The following GARNL3 variants were observed in gnomAD, a reference collection of about 807,000 sequenced individuals.
GARNL3 encodes GTPase-activating Rap/Ran-GAP domain-like protein 3.
A neutral mutation model predicts 125.0 loss-of-function variants in GARNL3; 63 were observed. That is an observed-to-expected ratio of 0.50 (90% CI 0.41 to 0.62). The LOEUF is 0.62. Among genes scored for constraint, GARNL3 ranks in the 20% least tolerant of loss-of-function variants. The pLI is 0.00. For synonymous variants in GARNL3, 439 were observed against 457.5 expected (o/e 0.96, Z 0.52); for missense variants, 994 against 1,244.0 (o/e 0.80, Z 3.02).
chr9:127,230,999 TAC>T (rs1328526632), intron 1 of GARNL3, among the ~76,000 whole-genome samples: 67 of 140,490 alleles, frequency 4.8e-4, no homozygotes, highest in Non-Finnish European at 9.6e-4. Flanking sequence ...TATGTATATA[TAC>T]ACATATGTGT....
At chr9:127,354,008 A>G (rs1002978094) in intron 18 of GARNL3, 64 bp downstream of exon 18, 17 of 1,076,424 alleles carry the variant, frequency 1.6e-5, no homozygotes, top group Middle Eastern at 2.1e-4. Flanking sequence ...TGCGGCCCAC[A>G]CCACAGGTCG....
At chr9:127,370,355 A>G (rs982170212) in intron 22 of GARNL3, among the ~76,000 whole-genome samples, 1 of 152,174 alleles carries the variant, frequency 6.6e-6, no homozygotes, top group African/African-American at 2.4e-5. Context: ...GAACTGTTAA[A>G]CTGTACAGGA....
chr9:127,268,967 C>T (rs1053705709), intron 1 of GARNL3, among the ~76,000 whole-genome samples: 2 of 152,080 alleles, frequency 1.3e-5, no homozygotes, highest in Middle Eastern at 3.2e-3. Context: ...TGTATTGATA[C>T]ACCACATTTT....
At position 127,315,247 on chromosome 9, in the gene GARNL3, C is replaced by T. The variant is rs151055319; in HGVS notation, c.438+1688C>T. ...TTATTAAGCCCCTCTTGGCCTGAAA[C>T]TAGTGCTAGAGGCTATGGGAAGTCC... On this transcript the variant is annotated intron_variant, in intron 4 of 27. Coordinates refer to ENST00000373387, the MANE Select transcript of GARNL3 (RefSeq NM_032293.5). Among the ~76,000 whole-genome samples, 79 of 152,294 alleles carry T rather than the reference C, an allele frequency of 5.2e-4. No individual in the cohort carries two copies. The East Asian group carries it at 0.014, about 28-fold the overall frequency.
At chr9:127,227,706 C>A (rs2062938858) in intron 1 of GARNL3, among the ~76,000 whole-genome samples, 1 of 152,078 alleles carries the variant, frequency 6.6e-6, no homozygotes, top group Non-Finnish European at 1.5e-5. Flanking sequence ...CGCTTGAGGC[C>A]TCAGGAGTTC....
chr9:127,360,434 G>A (rs1830930881), intron 21 of GARNL3, among the ~76,000 whole-genome samples: 1 of 152,286 alleles, frequency 6.6e-6, no homozygotes, highest in Non-Finnish European at 1.5e-5. Context: ...CTCCCAGCAG[G>A]CACGGTGCAG....
intron 1 of GARNL3, among the ~76,000 whole-genome samples, chr9:127,236,786 G>A (rs1173197421): frequency 1.3e-5 from 2 of 152,190 alleles, no homozygotes; most frequent in Non-Finnish European, 2.9e-5. Context: ...AATTCCTAGT[G>A]CTTTGAGCAG....
rs1390684886 is a variant in GARNL3, at chr9:127,367,891, T to C, written c.2161+2525T>C. Among the ~76,000 whole-genome samples, 3 of 152,156 alleles carry C rather than the reference T, an allele frequency of 2.0e-5. No homozygotes were observed. In the East Asian group the frequency reaches 5.8e-4, roughly 29 times the overall value. On this transcript the variant is annotated intron_variant, in intron 22 of 27. Transcript: ENST00000373387. ...CTGTTGTAAGTACTAAGCAGGATGA[T>C]ACATGTAAAGCCCACAACACATTGC... is the stretch of plus-strand genomic sequence containing the variant.
chr9:127,256,103 G>A (rs531254470), intron 2 of GARNL3, among the ~76,000 whole-genome samples: 131 of 152,238 alleles, frequency 8.6e-4, no homozygotes, highest in African/African-American at 2.2e-3. Context: ...TTAAGTTTCC[G>A]TTTAATACAA....
intron 2 of GARNL3, among the ~76,000 whole-genome samples, chr9:127,304,529 T>TG (rs2064892604): frequency 1.0e-5 from 1 of 96,010 alleles, no homozygotes; most frequent in Non-Finnish European, 1.9e-5. Flanking sequence ...GTGGCTTTAT[T>TG]CTTTTTTTTT....
At chr9:127,365,387 TA>T (rs776025399) in intron 22 of GARNL3, 21 bp downstream of exon 22, 1 of 1,589,294 alleles carries the variant, frequency 6.3e-7, no homozygotes, top group South Asian at 1.1e-5. Flanking sequence ...GATGTGCTTT[TA>T]TCTTTATTTG....
intron 26 of GARNL3, among the ~76,000 whole-genome samples, chr9:127,390,029 T>G (rs1217016972): frequency 3.9e-5 from 6 of 152,030 alleles, no homozygotes; most frequent in African/African-American, 1.5e-4. Context: ...TTGTTCAGAT[T>G]TGTGGAAACA....
At chr9:127,374,475 A>C (rs1412032171) in intron 22 of GARNL3, among the ~76,000 whole-genome samples, 1 of 152,214 alleles carries the variant, frequency 6.6e-6, no homozygotes, top group East Asian at 1.9e-4. Flanking sequence ...TAGATATTGC[A>C]TCAAAAGCAT....
intron 1 of GARNL3, among the ~76,000 whole-genome samples, chr9:127,276,644 G>A (rs2063964812): frequency 6.6e-6 from 1 of 152,214 alleles, no homozygotes; most frequent in African/African-American, 2.4e-5. Context: ...GCCCCAAGCT[G>A]AACTCACCCT....
intron 1 of GARNL3, among the ~76,000 whole-genome samples, chr9:127,275,812 A>T (rs1401524069): frequency 1.3e-5 from 2 of 152,172 alleles, no homozygotes; most frequent in African/African-American, 2.4e-5. Flanking sequence ...GGGTTCTTTT[A>T]TGTGCAAGAA....
intron 22 of GARNL3, among the ~76,000 whole-genome samples, chr9:127,365,706 C>T (rs1300730993): frequency 1.3e-5 from 2 of 152,144 alleles, no homozygotes; most frequent in Non-Finnish European, 2.9e-5. Context: ...TGAATGCCCG[C>T]AGCAGGCTCG....
chr9:127,291,203 G>A lies in GARNL3; in HGVS notation c.180G>A (p.Arg60=). The A allele has an allele frequency of 6.2e-7, 1 of 1,614,156 alleles. No homozygotes were observed. Among genetic ancestry groups the A allele is most frequent in the Non-Finnish European group, 8.5e-7 (1 of 1,180,004 alleles). The stretch of plus-strand genomic sequence containing the variant: ...GTGATGCTGATGGAGCCATCCAAAG[G>A]GCTGGAAGATTCAGAGTGGAAAATG... The part of the protein sequence containing the change: ...ISSDADGAIQ[R]AGRFRVENGS... The change falls in exon 2 of 28, where the codon AGG becomes AGA. Residue 60 remains arginine, a synonymous_variant. Transcript: ENST00000373387.
At chr9:127,310,773 C>CA (rs905120960) in intron 2 of GARNL3, among the ~76,000 whole-genome samples, 8,355 of 74,510 alleles carry the variant, frequency 0.11, 342 homozygotes, top group Middle Eastern at 0.2. Context: ...GACTCTGTCT[C>CA]AAAAAAAAAA....
chr9:127,342,129 T>C, intron 13 of GARNL3, 90 bp from the exon 14 acceptor site: 1 of 886,604 alleles, frequency 1.1e-6, no homozygotes, highest in Non-Finnish European at 1.8e-6. Context: ...TTCACAGAAC[T>C]AAAGAAAAGA....
Sources: gnomAD v4.1 joint callset for allele counts (sites outside exome capture counted in the v4.1 genomes callset) on GRCh38, gnomAD v4.1.1 for gene constraint, MANE v1.5 for transcripts, NCBI Gene and HGNC (gene_info 2026-07-23, HGNC 2026-07-21) for gene names.